RAD52: variants seen among roughly 807,000 people sequenced by gnomAD.
RAD52 encodes RAD52 DNA repair protein.
In RAD52, 47 loss-of-function variants were observed where a neutral mutation model predicts 55.5. The observed-to-expected ratio is 0.85, with a 90% CI of 0.67 to 1.08. The LOEUF (loss-of-function observed/expected upper bound fraction) is 1.08. Among genes scored for constraint, RAD52 ranks in the 50% least tolerant of loss-of-function variants. The pLI, the probability that RAD52 is intolerant of heterozygous loss-of-function variation, is 0.00. For synonymous variants in RAD52, 184 were observed against 198.9 expected, an observed-to-expected ratio of 0.92 and a Z score of 0.63; for missense variants, 468 against 522.8, an observed-to-expected ratio of 0.90 and a Z score of 1.02.
intron 7 of RAD52, 67 bp from the exon 8 acceptor site, chr12:916,887 C>G: frequency 6.5e-7 from 1 of 1,545,932 alleles, no homozygotes; most frequent in Non-Finnish European, 8.8e-7. Context: ...CTCCCTGACT[C>G]ACAGATTGCG....
At chr12:952,906 C>T (rs564444823), upstream of RAD52, among the ~76,000 whole-genome samples, 3 of 75,532 alleles carry the variant, frequency 4.0e-5, no homozygotes, top group South Asian at 6.2e-4. Flanking sequence ...AGAAAGGGAA[C>T]GGAAGAGAAG....
chr12:965,722 A>G (rs548292006), intron 1 of RAD52, among the ~76,000 whole-genome samples: 1 of 151,544 alleles, frequency 6.6e-6, no homozygotes, highest in East Asian at 1.9e-4. Context: ...GTCTCACTCT[A>G]TTGCCTAGGC....
rs377055100 is a variant in RAD52 at position 916,468 on chromosome 12, G to A, written c.741C>T (p.Ser247=). The A allele has an allele frequency of 4.2e-5, 67 of 1,607,504 alleles. No homozygotes were observed. The South Asian group carries it at 6.9e-4, about 17-fold the overall frequency. The change falls in exon 9 of 12, where the codon TCC becomes TCT. Residue 247 remains serine (S), a synonymous_variant. Coordinates refer to ENST00000358495, the MANE Select transcript of RAD52 (RefSeq NM_134424.4). ...QDCSSRSLSS[S]AVESEATHQR... ...GGTGCGTGGCCTCGCTCTCCACGGC[G>A]GATGAGCTCAGGCTTCTGCATGAGA...
chr12:978,063 T>TA (rs1314401106), intron 1 of RAD52, among the ~76,000 whole-genome samples: 1 of 152,224 alleles, frequency 6.6e-6, no homozygotes, highest in Non-Finnish European at 1.5e-5. Context: ...GCCAGTTGTC[T>TA]TATAGAATGT....
intron 1 of RAD52, among the ~76,000 whole-genome samples, chr12:971,461 G>A (rs545492214): frequency 1.5e-3 from 227 of 152,226 alleles, no homozygotes; most frequent in African/African-American, 5.2e-3. Flanking sequence ...TGTGCAGAGC[G>A]GGGTTAGTAA....
intron 1 of RAD52, among the ~76,000 whole-genome samples, chr12:940,706 T>C (rs1216941713): frequency 1.3e-5 from 2 of 151,998 alleles, no homozygotes; most frequent in African/African-American, 4.8e-5. Context: ...CCAAAGGACA[T>C]AGAACCACCT....
chr12:970,530 C>T (rs1351932878), intron 1 of RAD52, among the ~76,000 whole-genome samples: 4 of 151,934 alleles, frequency 2.6e-5, no homozygotes, highest in African/African-American at 7.3e-5. Context: ...AAAAGACTTC[C>T]TAAGATTCTT....
intron 1 of RAD52, among the ~76,000 whole-genome samples, chr12:943,172 C>A (rs1346180938): frequency 1.3e-5 from 2 of 152,188 alleles, no homozygotes; most frequent in African/African-American, 4.8e-5. Context: ...ACACCAAATG[C>A]TGGCAAGGAT....
At chr12:944,266 TA>T (rs1958075314) in intron 1 of RAD52, among the ~76,000 whole-genome samples, 1 of 151,758 alleles carries the variant, frequency 6.6e-6, no homozygotes, top group Non-Finnish European at 1.5e-5. Context: ...CTCACGCCTG[TA>T]ATCCCAGCAC....
At chr12:956,416 T>C (rs1958607072) in intron 1 of RAD52, among the ~76,000 whole-genome samples, 1 of 152,210 alleles carries the variant, frequency 6.6e-6, no homozygotes, top group East Asian at 1.9e-4. Flanking sequence ...ACAAATTGTA[T>C]AGCTACTCCT....
chr12:957,299 A>G (rs1341889737), intron 1 of RAD52, among the ~76,000 whole-genome samples: 3 of 151,874 alleles, frequency 2.0e-5, no homozygotes, highest in Admixed American at 2.0e-4. Flanking sequence ...CTCTACTAAA[A>G]ATACAAAAAA....
chr12:911,977 TG>T lies in RAD52; in HGVS notation c.*1413del, dbSNP rs1956115489. On this transcript the variant is annotated 3_prime_UTR_variant, in exon 12 of 12. Coordinates refer to ENST00000358495, the MANE Select transcript of RAD52 (RefSeq NM_134424.4). The stretch of plus-strand genomic sequence containing the variant: ...AGGCGGAGGCTGCAATGAGTCAAGA[TG>T]GCACCGCTGCACTCCAGCCTGCGCT... The T allele has an allele frequency of 1.5e-5, 3 of 195,298 alleles. No individual in the cohort carries two copies. In the Admixed American group the frequency reaches 1.8e-4, roughly 12 times the overall value. 12.1% of individuals were successfully genotyped at this position (195,298 alleles called of 1,614,324 possible).
At chr12:977,561 G>A (rs903008270) in intron 1 of RAD52, among the ~76,000 whole-genome samples, 1 of 152,158 alleles carries the variant, frequency 6.6e-6, no homozygotes, top group Non-Finnish European at 1.5e-5. Context: ...CCTGACATTT[G>A]CCTGGCAGTC....
chr12:932,576 T>A (rs1957376680), intron 2 of RAD52, among the ~76,000 whole-genome samples: 2 of 152,128 alleles, frequency 1.3e-5, no homozygotes, highest in South Asian at 2.1e-4. Context: ...TCATTTTGAA[T>A]TTGATGTCAT....
upstream of RAD52, among the ~76,000 whole-genome samples, chr12:950,887 A>G (rs1158822125): frequency 6.6e-6 from 1 of 151,730 alleles, no homozygotes; most frequent in East Asian, 1.9e-4. Context: ...TCATCTCCCC[A>G]TTATCTCCCC....
At chr12:985,787 C>T (rs1489428678) in intron 1 of RAD52, among the ~76,000 whole-genome samples, 2 of 151,796 alleles carry the variant, frequency 1.3e-5, no homozygotes, top group South Asian at 2.1e-4. Context: ...GGATTACAGG[C>T]GCCCACCACC....
At chr12:923,720 A>T (rs539130395) in intron 7 of RAD52, among the ~76,000 whole-genome samples, 2 of 152,264 alleles carry the variant, frequency 1.3e-5, no homozygotes, top group African/African-American at 4.8e-5. Flanking sequence ...CTACTCGACC[A>T]CACACTAAAA....
chr12:971,500 T>C (rs984568515), intron 1 of RAD52, among the ~76,000 whole-genome samples: 5 of 152,122 alleles, frequency 3.3e-5, no homozygotes, highest in Non-Finnish European at 5.9e-5. Flanking sequence ...GCAGCCATGG[T>C]CAGATCACAG....
intron 3 of RAD52, 46 bp from the exon 4 acceptor site, chr12:930,190 C>A: frequency 7.2e-7 from 1 of 1,381,036 alleles, no homozygotes; most frequent in Non-Finnish European, 1.0e-6. Flanking sequence ...TAATTCCTTA[C>A]CACACTTAAA....
Sources: gnomAD v4.1 joint callset for allele counts (sites outside exome capture counted in the v4.1 genomes callset) on GRCh38, gnomAD v4.1.1 for gene constraint, MANE v1.5 for transcripts, NCBI Gene and HGNC (gene_info 2026-07-23, HGNC 2026-07-21) for gene names.